SOX6: variants seen among roughly 807,000 people sequenced by gnomAD.
SOX6 encodes transcription factor SOX-6.
Under a neutral mutation model 97.8 loss-of-function variants are expected in SOX6, and 11 were observed. The observed-to-expected ratio is 0.11, with a 90% CI of 0.07 to 0.19. SOX6 has a LOEUF of 0.19. SOX6 is among the 10% of genes least tolerant of loss of function. The pLI, the probability that SOX6 is intolerant of heterozygous loss-of-function variation, is 1.00. For missense variants in SOX6, 810 were observed against 1,039.5 expected, an observed-to-expected ratio of 0.78 and a Z score of 3.04; for synonymous variants, 360 against 371.4, an observed-to-expected ratio of 0.97 and a Z score of 0.35.
At chr11:16,178,879 C>G (rs1227002848) in intron 6 of SOX6, among the ~76,000 whole-genome samples, 1 of 151,820 alleles carries the variant, frequency 6.6e-6, no homozygotes, top group Admixed American at 6.6e-5. Context: ...TGACTGTCCT[C>G]GGTTTTTCTG....
At chr11:16,492,084 G>T (rs1590221913) in intron 4 of SOX6, among the ~76,000 whole-genome samples, 2 of 152,034 alleles carry the variant, frequency 1.3e-5, no homozygotes, top group African/African-American at 4.8e-5. Flanking sequence ...GGTAAGAAAA[G>T]ATTTTTTAAA....
exon 1 of SOX6, chr11:16,738,439 G>A: frequency 5.1e-6 from 2 of 395,474 alleles, no homozygotes; most frequent in South Asian, 5.8e-5. Flanking sequence ...ATACACATCC[G>A]CGGGAACGCT....
upstream of SOX6, among the ~76,000 whole-genome samples, chr11:16,480,645 A>C (rs1314845137): frequency 3.4e-5 from 5 of 148,196 alleles, no homozygotes; most frequent in East Asian, 2.0e-4. Flanking sequence ...GTTTTTAGTA[A>C]CCCCCCCCCC....
At chr11:15,975,761 A>T (rs1277806698) in intron 15 of SOX6, among the ~76,000 whole-genome samples, 4 of 152,114 alleles carry the variant, frequency 2.6e-5, no homozygotes, top group Non-Finnish European at 5.9e-5. Flanking sequence ...CAGGAGTTGA[A>T]CCTTCCCCGT....
chr11:16,530,932 A>ATATATATAGAATGTAAATATAT (rs1400544738), intron 4 of SOX6, among the ~76,000 whole-genome samples: 5 of 148,520 alleles, frequency 3.4e-5, no homozygotes, highest in East Asian at 3.9e-4. Flanking sequence ...CATATTTTAT[A>ATATATATAGAATGTAAATATAT]TATATATAGA....
intron 2 of SOX6, among the ~76,000 whole-genome samples, chr11:16,323,386 C>T (rs991460504): frequency 2.0e-5 from 3 of 152,048 alleles, no homozygotes; most frequent in East Asian, 3.9e-4. Flanking sequence ...AACATTAAAA[C>T]GAATATTGTT....
chr11:16,525,168 T>C (rs566218904), intron 4 of SOX6, among the ~76,000 whole-genome samples: 1 of 152,070 alleles, frequency 6.6e-6, no homozygotes, highest in Non-Finnish European at 1.5e-5. Context: ...GAGCCCGCAT[T>C]GCCAAGTCAA....
chr11:16,437,102 A>T (rs1377607038), intron 1 of SOX6, among the ~76,000 whole-genome samples: 5 of 40,572 alleles, frequency 1.2e-4, no homozygotes. Flanking sequence ...ACAAGAAATT[A>T]AAAAAAAAAA....
At chr11:16,727,593 C>T (rs1250030530) in intron 2 of SOX6, among the ~76,000 whole-genome samples, 1 of 144,644 alleles carries the variant, frequency 6.9e-6, no homozygotes, top group Non-Finnish European at 1.5e-5. Context: ...CAACACCCAG[C>T]AAATTTTTTT....
chr11:16,567,553 A>AT (rs143314547), intron 4 of SOX6, among the ~76,000 whole-genome samples: 1 of 107,078 alleles, frequency 9.3e-6, no homozygotes. Flanking sequence ...GGTATGTCAT[A>AT]TTTTTTTCTT....
chr11:16,289,596 C>A (rs944430643), intron 3 of SOX6, among the ~76,000 whole-genome samples: 6 of 151,864 alleles, frequency 4.0e-5, no homozygotes, highest in Non-Finnish European at 8.8e-5. Flanking sequence ...CCTAGGTGTG[C>A]CTTTTGATTT....
intron 3 of SOX6, among the ~76,000 whole-genome samples, chr11:16,700,208 A>C (rs376123872): frequency 3.8e-4 from 58 of 152,314 alleles, no homozygotes; most frequent in African/African-American, 1.3e-3. Context: ...AAACATATAC[A>C]AACACTAATA....
intron 3 of SOX6, among the ~76,000 whole-genome samples, chr11:16,714,300 C>T (rs1848202048): frequency 6.6e-6 from 1 of 151,828 alleles, no homozygotes; most frequent in Admixed American, 6.6e-5. Context: ...TCCAACTTCC[C>T]TAAAATTACT....
intron 2 of SOX6, among the ~76,000 whole-genome samples, chr11:16,329,482 T>G (rs1856213690): frequency 6.6e-6 from 1 of 152,122 alleles, no homozygotes; most frequent in South Asian, 2.1e-4. Flanking sequence ...CAAGAGAAGA[T>G]GGAATAATAA....
At chr11:16,656,327 C>T (rs915214663) in intron 3 of SOX6, among the ~76,000 whole-genome samples, 9 of 152,252 alleles carry the variant, frequency 5.9e-5, no homozygotes, top group Non-Finnish European at 1.2e-4. Flanking sequence ...CCGCCCACCT[C>T]GGCCTCCCAA....
intron 3 of SOX6, among the ~76,000 whole-genome samples, chr11:16,657,524 GT>G (rs1325917192): frequency 6.6e-6 from 1 of 152,212 alleles, no homozygotes; most frequent in African/African-American, 2.4e-5. Context: ...CTGCCAAACT[GT>G]TTTCCAAACT....
chr11:16,030,145 G>A (rs1206315806), intron 12 of SOX6, among the ~76,000 whole-genome samples: 2 of 152,160 alleles, frequency 1.3e-5, no homozygotes, highest in Non-Finnish European at 2.9e-5. Flanking sequence ...AATTGGCAAT[G>A]TGACATGAAG....
At position 16,516,393 on chromosome 11, in the gene SOX6, G is replaced by A. The variant is rs188749868; in HGVS notation, n.610-40005C>T. Among the ~76,000 whole-genome samples the A allele has an allele frequency of 3.6e-3, 541 of 152,200 alleles. 3 individuals are homozygous for A. The highest frequency in any genetic ancestry group is 0.012 in the African/African-American group (504 of 41,522). On this transcript the variant is annotated intron_variant and non_coding_transcript_variant, in intron 4 of 5. Transcript: ENST00000524520. ...AGAATGCTTGTGATTTTTGTACATC[G>A]ATTTTGTATCCTGAGACTTTGCTGA...
chr11:15,994,926 C>G (rs1250446315), intron 13 of SOX6, among the ~76,000 whole-genome samples: 3 of 152,124 alleles, frequency 2.0e-5, no homozygotes, highest in African/African-American at 7.2e-5. Flanking sequence ...GGATTCCATC[C>G]TAGAATGAAA....
Sources: gnomAD v4.1 joint callset for allele counts (sites outside exome capture counted in the v4.1 genomes callset) on GRCh38, gnomAD v4.1.1 for gene constraint, MANE v1.5 for transcripts, NCBI Gene and HGNC (gene_info 2026-07-23, HGNC 2026-07-21) for gene names.